METTL21A: variants seen among roughly 807,000 people sequenced by gnomAD.
METTL21A encodes the protein methyltransferase 21A, HSPA lysine.
METTL21A carries 22 observed loss-of-function variants against 20.9 expected under a neutral mutation model. The observed-to-expected ratio is 1.05, with a 90% CI of 0.75 to 1.50. METTL21A has a LOEUF of 1.50. Among genes scored for constraint, METTL21A ranks in the 40% most tolerant of loss-of-function variants. The probability of loss-of-function intolerance (pLI) is 0.00; values close to 1 mark genes in which losing one functional copy is unlikely to be tolerated. For missense variants in METTL21A, 271 were observed against 266.8 expected, an observed-to-expected ratio of 1.02 and a Z score of -0.11; for synonymous variants, 93 against 102.0, an observed-to-expected ratio of 0.91 and a Z score of 0.53.
intron 3 of METTL21A, among the ~76,000 whole-genome samples, chr2:207,595,090 G>A (rs1233991500): frequency 6.6e-6 from 1 of 150,846 alleles, no homozygotes; most frequent in Non-Finnish European, 1.5e-5. Flanking sequence ...CTGCCTCCCG[G>A]GTTTAAGTGA....
intron 3 of METTL21A, among the ~76,000 whole-genome samples, chr2:207,587,770 T>C (rs2084158827): frequency 6.6e-6 from 1 of 152,026 alleles, no homozygotes; most frequent in African/African-American, 2.4e-5. Flanking sequence ...GAGAGTAAAA[T>C]TGTGGGTATT....
chr2:207,604,201 G>A (rs2087645223), downstream of METTL21A, among the ~76,000 whole-genome samples: 1 of 152,184 alleles, frequency 6.6e-6, no homozygotes, highest in Non-Finnish European at 1.5e-5. Flanking sequence ...ACCAGGCACT[G>A]AAGTGACAAG....
At chr2:207,603,143 T>C (rs982505601) in intron 3 of METTL21A, 2 of 210,988 alleles carry the variant, frequency 9.5e-6, no homozygotes, top group Admixed American at 1.2e-4. Context: ...TTCCCTACAT[T>C]CTAGAAACAT....
chr2:207,582,840 C>T, intron 3 of METTL21A: 3 of 336,876 alleles, frequency 8.9e-6, no homozygotes, highest in East Asian at 1.3e-4. Context: ...TTGCAGTGAG[C>T]TGAGATGGCA....
chr2:207,616,727 T>A (rs1205460354), intron 3 of METTL21A, among the ~76,000 whole-genome samples: 2 of 152,062 alleles, frequency 1.3e-5, no homozygotes, highest in Non-Finnish European at 2.9e-5. Flanking sequence ...GCGCCTGTAA[T>A]CCCAGCTACT....
At chr2:207,617,239 T>C (rs1356999412) in intron 3 of METTL21A, among the ~76,000 whole-genome samples, 1 of 152,174 alleles carries the variant, frequency 6.6e-6, no homozygotes, top group African/African-American at 2.4e-5. Flanking sequence ...AAGAAAGTCC[T>C]TACCCACAGC....
chr2:207,623,934 C>T (rs2090809310), intron 2 of METTL21A, among the ~76,000 whole-genome samples: 1 of 152,192 alleles, frequency 6.6e-6, no homozygotes, highest in Non-Finnish European at 1.5e-5. Flanking sequence ...TAACTTTCCT[C>T]AGCTTTCATT....
At chr2:207,625,571 G>C (rs970490755), upstream of METTL21A, 1 of 152,402 alleles carries the variant, frequency 6.6e-6, no homozygotes, top group African/African-American at 2.4e-5. Context: ...GGGAGGCGCT[G>C]TGGGGGCGGG....
chr2:207,613,179 A>C, exon 4 of METTL21A: 1 of 1,614,092 alleles, frequency 6.2e-7, no homozygotes, highest in Non-Finnish European at 8.5e-7. Flanking sequence ...TTCATAGCGA[A>C]TTCGGCATGC....
At chr2:207,587,554 A>T (rs897102913) in intron 3 of METTL21A, among the ~76,000 whole-genome samples, 1 of 152,206 alleles carries the variant, frequency 6.6e-6, no homozygotes, top group African/African-American at 2.4e-5. Context: ...ATCCATCAAC[A>T]TATGAATGGA....
chr2:207,605,681 T>C (rs1471999296), downstream of METTL21A, among the ~76,000 whole-genome samples: 4 of 152,244 alleles, frequency 2.6e-5, no homozygotes, highest in African/African-American at 9.6e-5. Flanking sequence ...CAGTGGTTTA[T>C]AAACTGCTGC....
chr2:207,620,490 CT>C (rs1233522384), intron 3 of METTL21A: 2 of 299,098 alleles, frequency 6.7e-6, no homozygotes, highest in Non-Finnish European at 1.1e-5. Flanking sequence ...AATAAAACAA[CT>C]AACTGTGTCT....
At chr2:207,581,777 C>G (rs2082987586) in exon 4 of METTL21A, 2 of 682,472 alleles carry the variant, frequency 2.9e-6, no homozygotes, top group Admixed American at 2.2e-5. Flanking sequence ...TTTTATTTCC[C>G]CAGTTTTTTT....
At chr2:207,581,960 G>A in exon 4 of METTL21A, 1 of 702,302 alleles carries the variant, frequency 1.4e-6, no homozygotes, top group Non-Finnish European at 2.6e-6. Context: ...TGGATAGATT[G>A]AGATAATAGG....
rs142910984 is a variant in METTL21A at position 207,615,036 on chromosome 2, C to T, written c.260-1593G>A. On this transcript the variant is annotated intron_variant, in intron 3 of 3. Coordinates refer to ENST00000406927, the Ensembl canonical transcript of METTL21A. ...GGGCAGTAATTCAATTTGACATTTACAGTCCTACTATGAGATACTGATGAA... is the reference window on the plus strand; with the variant it reads ...GGGCAGTAATTCAATTTGACATTTATAGTCCTACTATGAGATACTGATGAA... Among the ~76,000 whole-genome samples, 299 of 152,306 alleles carry T rather than the reference C, an allele frequency of 2.0e-3. 2 individuals carry two copies. The highest frequency in any genetic ancestry group is 6.6e-3 in the African/African-American group (276 of 41,564).
intron 3 of METTL21A, among the ~76,000 whole-genome samples, chr2:207,614,895 T>C (rs974403244): frequency 6.6e-6 from 1 of 152,234 alleles, no homozygotes; most frequent in Admixed American, 6.5e-5. Context: ...ATTTGCATCC[T>C]TCTTCAGTTT....
At chr2:207,588,736 TTTTTTTG>T (rs1039032216) in intron 3 of METTL21A, among the ~76,000 whole-genome samples, 1 of 146,192 alleles carries the variant, frequency 6.8e-6, no homozygotes, top group Non-Finnish European at 1.5e-5. Context: ...TGGTTTTTTT[TTTTTTTG>T]TGTGTGGGGG....
chr2:207,593,874 A>G (rs1295655958), intron 3 of METTL21A, among the ~76,000 whole-genome samples: 5 of 152,042 alleles, frequency 3.3e-5, no homozygotes, highest in Non-Finnish European at 7.4e-5. Flanking sequence ...ACCTGCCACC[A>G]TCCCCAGCTA....
chr2:207,592,360 C>G (rs913352921), intron 3 of METTL21A, among the ~76,000 whole-genome samples: 18 of 152,062 alleles, frequency 1.2e-4, no homozygotes, highest in Non-Finnish European at 2.4e-4. Flanking sequence ...TAGCCCAGAT[C>G]ACGCCACTGC....
Sources: allele counts gnomAD v4.1 joint callset (sites outside exome capture counted in the v4.1 genomes callset), GRCh38; gene constraint gnomAD v4.1.1; transcripts MANE v1.5; gene names NCBI Gene and HGNC (gene_info 2026-07-23, HGNC 2026-07-21).